DEFB112: variants seen among roughly 807,000 people sequenced by gnomAD.
DEFB112 encodes the protein defensin beta 112.
A neutral mutation model predicts 1.1 loss-of-function variants in DEFB112; 2 were observed. The ratio of observed to expected loss-of-function variants is 1.85; its 90% CI spans 0.76 to 5.83. DEFB112 has a LOEUF of 5.83. Among genes scored for constraint, DEFB112 ranks in the 30% most tolerant of loss-of-function variants. The pLI is 0.05. For synonymous variants in DEFB112, 40 were observed against 31.2 expected, an observed-to-expected ratio of 1.28 and a Z score of -0.93; for missense variants, 120 against 94.4, an observed-to-expected ratio of 1.27 and a Z score of -1.12.
intron 1 of DEFB112, among the ~76,000 whole-genome samples, chr6:50,049,534 G>T (rs1203468725): frequency 6.6e-6 from 1 of 151,990 alleles, no homozygotes; most frequent in East Asian, 1.9e-4. Flanking sequence ...TCATGGATCT[G>T]TGAAATCAAC....
chr6:50,044,955 G>T (rs9296626), intron 1 of DEFB112, among the ~76,000 whole-genome samples: 2,152 of 151,864 alleles, frequency 0.014, 50 homozygotes, highest in African/African-American at 0.049. Flanking sequence ...CACAAATTTT[G>T]CAGCAAGAAT....
rs1351117560 is a variant in DEFB112, at chr6:50,049,805, A to G, written c.58+7T>C. 6.6e-6 allele frequency among the ~76,000 whole-genome samples: 1 copy of G among 152,060 alleles called. No homozygotes were observed. Among genetic ancestry groups the G allele is most frequent in the Non-Finnish European group, 1.5e-5 (1 of 67,970 alleles). On this transcript the variant is annotated splice_region_variant and intron_variant, in intron 1 of 1. Coordinates refer to ENST00000651554, the MANE Select transcript of DEFB112 (RefSeq NM_001369057.2). ...CTTGACCCCTCTAGCAATAATATTC[A>G]TATTACCTGGTGGAATAAGGACTCC...
rs754910502 is a variant in DEFB112, at chr6:50,043,785, G to A, written c.75C>T (p.His25=). The A allele has an allele frequency of 2.4e-5, 38 of 1,613,160 alleles. No homozygotes were observed. The Middle Eastern group carries it at 4.9e-4, about 21-fold the overall frequency. Residue 25 remains histidine (H), a synonymous_variant, in exon 2 of 2, where the codon CAC becomes CAT. Coordinates refer to ENST00000651554, the MANE Select transcript of DEFB112 (RefSeq NM_001369057.2). Reference sequence around the variant, plus strand: ...ACTTCCACCTACTAAAGGTGATATGGTGCCCTTCACTTCTGGCTGAAAGAA... The same window carrying A: ...ACTTCCACCTACTAAAGGTGATATGATGCCCTTCACTTCTGGCTGAAAGAA... The part of the protein sequence containing the change: ...VLIPPARSEG[H]HITFSRWKSC...
chr6:50,047,904 G>A (rs1299086197), intron 1 of DEFB112, among the ~76,000 whole-genome samples: 1 of 152,034 alleles, frequency 6.6e-6, no homozygotes, highest in Non-Finnish European at 1.5e-5. Context: ...CCAGCATTTT[G>A]GGAGGCCGTG....
At position 50,043,648 on chromosome 6, in the gene DEFB112, G is replaced by C. The variant is rs144227676; in HGVS notation, c.212C>G (p.Thr71Arg). ...THCCVTECDP[T>R]DPNNWIPKDS... ...CTTTGGGATCCAATTATTTGGGTCC[G>C]TAGGGTCACATTCTGTCACGCAGCA... Residue 71 changes from threonine (T) to arginine (R), a missense_variant, in exon 2 of 2, where the codon ACG becomes AGG. By Grantham distance (71) the Thr-to-Arg change is moderately conservative. Transcript: ENST00000651554. The C allele has an allele frequency of 6.2e-7, 1 of 1,613,358 alleles. No homozygotes were observed. The highest frequency in any genetic ancestry group is 8.5e-7 in the Non-Finnish European group (1 of 1,179,602).
chr6:50,048,816 T>C (rs914942677), intron 1 of DEFB112, among the ~76,000 whole-genome samples: 1 of 152,162 alleles, frequency 6.6e-6, no homozygotes, highest in African/African-American at 2.4e-5. Flanking sequence ...ATAGTACATA[T>C]GTTTAAAAAT....
rs1774770972 is a variant in DEFB112 at position 50,043,045 on chromosome 6, G to T, written c.*530C>A. On this transcript the variant is annotated 3_prime_UTR_variant, in exon 2 of 2. Transcript: ENST00000651554. Reference sequence around the variant, plus strand: ...AGTCTCCCTCTATTCTACCTTTTGAGATTATTCTTGGAAAAAAAATCAGTT... The same window carrying T: ...AGTCTCCCTCTATTCTACCTTTTGATATTATTCTTGGAAAAAAAATCAGTT... Among the ~76,000 whole-genome samples the T allele has an allele frequency of 6.6e-6, 1 of 151,646 alleles. No individual in the cohort carries two copies. The highest frequency in any genetic ancestry group is 1.5e-5 in the Non-Finnish European group (1 of 67,880).
rs780882666 is a variant in DEFB112 at position 50,043,438 on chromosome 6, G to A, written c.*137C>T. The stretch of plus-strand genomic sequence containing the variant: ...AAGCAAGCACAATGTTTATAAAAAT[G>A]TCCAGCTGAAATATATTTTATTTAA... On this transcript the variant is annotated 3_prime_UTR_variant, in exon 2 of 2. Coordinates refer to ENST00000651554, the MANE Select transcript of DEFB112 (RefSeq NM_001369057.2). 5.6e-5 allele frequency: 34 copies of A among 605,512 alleles called. 1 individual carries two copies. Among genetic ancestry groups the A allele is most frequent in the Non-Finnish European group, 7.9e-5 (28 of 356,280 alleles). The allele number at this position is 605,512 out of a possible 1,614,324, so 37.5% of individuals were successfully genotyped here. A position where few individuals can be genotyped will look rare whatever the true frequency, so the allele number is the denominator to read the frequency against.
intron 1 of DEFB112, among the ~76,000 whole-genome samples, chr6:50,046,432 T>A (rs1006092671): frequency 1.3e-5 from 2 of 152,174 alleles, no homozygotes; most frequent in Non-Finnish European, 2.9e-5. Flanking sequence ...ACAGGGAGAA[T>A]TTGGCTGCTC....
At position 50,043,720 on chromosome 6, in the gene DEFB112, T is replaced by A. The variant is rs763338572; in HGVS notation, c.140A>T (p.Asp47Val). Reference protein sequence around the residue: ...AIGGRCKNQCDDSEFRISYCA... With the variant: ...AIGGRCKNQCVDSEFRISYCA... ...GTATGAAATCCTAAATTCACTATCA[T>A]CACATTGATTTTTACATCGACCTCC... The change falls in exon 2 of 2, where the codon GAT becomes GTT. Residue 47 changes from aspartate (D) to valine (V), a missense_variant. Coordinates refer to ENST00000651554, the MANE Select transcript of DEFB112 (RefSeq NM_001369057.2). The A allele has an allele frequency of 1.2e-6, 2 of 1,613,520 alleles. No individual in the cohort carries two copies. Among genetic ancestry groups the A allele is most frequent in the Non-Finnish European group, 1.7e-6 (2 of 1,179,582 alleles).
intron 1 of DEFB112, among the ~76,000 whole-genome samples, chr6:50,046,120 A>G (rs1265729439): frequency 2.0e-5 from 3 of 151,914 alleles, no homozygotes; most frequent in Non-Finnish European, 4.4e-5. Flanking sequence ...CTAAGCTATG[A>G]TGTTCTGCCA....
chr6:50,042,972 T>C lies in DEFB112; in HGVS notation c.*603A>G, dbSNP rs149958535. Reference sequence around the variant, plus strand: ...AATCATAATTTCACATTATCGTTATTGCCACAAGCTACAGGGATTTACCAT... The same window carrying C: ...AATCATAATTTCACATTATCGTTATCGCCACAAGCTACAGGGATTTACCAT... On this transcript the variant is annotated 3_prime_UTR_variant, in exon 2 of 2. Coordinates refer to ENST00000651554, the MANE Select transcript of DEFB112 (RefSeq NM_001369057.2). Among the ~76,000 whole-genome samples, 1,060 of 152,148 alleles carry C rather than the reference T, an allele frequency of 7.0e-3. 20 individuals are homozygous for C. Among genetic ancestry groups the C allele is most frequent in the African/African-American group, 0.023 (975 of 41,544 alleles).
chr6:50,046,761 C>T (rs1173782592), intron 1 of DEFB112, among the ~76,000 whole-genome samples: 2 of 152,114 alleles, frequency 1.3e-5, no homozygotes, highest in Non-Finnish European at 2.9e-5. Context: ...TATGACTCTA[C>T]TAAGCTGATA....
At chr6:50,049,338 T>C (rs982161846) in intron 1 of DEFB112, among the ~76,000 whole-genome samples, 3 of 152,110 alleles carry the variant, frequency 2.0e-5, no homozygotes, top group Non-Finnish European at 4.4e-5. Flanking sequence ...CAAGTGCAGC[T>C]TGTCTCAATT....
At chr6:50,047,537 G>C (rs10214607) in intron 1 of DEFB112, among the ~76,000 whole-genome samples, 1 of 152,042 alleles carries the variant, frequency 6.6e-6, no homozygotes, top group South Asian at 2.1e-4. Context: ...CTCTCACCTG[G>C]TTTCCTTAGC....
intron 1 of DEFB112, among the ~76,000 whole-genome samples, chr6:50,044,833 G>T (rs572491439): frequency 6.6e-6 from 1 of 152,128 alleles, no homozygotes; most frequent in East Asian, 1.9e-4. Flanking sequence ...ACTGATGTCT[G>T]TAAGTATGCT....
intron 1 of DEFB112, among the ~76,000 whole-genome samples, chr6:50,047,921 A>T (rs967436429): frequency 2.6e-5 from 4 of 152,040 alleles, no homozygotes; most frequent in Non-Finnish European, 4.4e-5. Context: ...CGTGGCAGGT[A>T]GATCACCTCA....
In DEFB112 at chr6:50,042,559, C is replaced by T. The variant is rs1431424227; in HGVS notation, c.*1016G>A. Among the ~76,000 whole-genome samples, 1 of 151,986 alleles carries T rather than the reference C, an allele frequency of 6.6e-6. No homozygotes were observed. The highest frequency in any genetic ancestry group is 2.4e-5 in the African/African-American group (1 of 41,394). On this transcript the variant is annotated 3_prime_UTR_variant, in exon 2 of 2. Transcript: ENST00000651554. ...CAAGGCTGCCAGCCAAGGACAAAGCCTAGAGGACATTCTTTAAGTAATACT... is the reference window on the plus strand; with the variant it reads ...CAAGGCTGCCAGCCAAGGACAAAGCTTAGAGGACATTCTTTAAGTAATACT...
rs1334414250 is a variant in DEFB112, at chr6:50,042,526, A to T, written c.*1049T>A. Among the ~76,000 whole-genome samples, 1 of 152,074 alleles carries T rather than the reference A, an allele frequency of 6.6e-6. No homozygotes were observed. Among genetic ancestry groups the T allele is most frequent in the African/African-American group, 2.4e-5 (1 of 41,442 alleles). On this transcript the variant is annotated 3_prime_UTR_variant, in exon 2 of 2. Transcript: ENST00000651554. ...CCTTAGTCCACAGGTTGTAAGTCACATAATAACCAAGGCTGCCAGCCAAGG... is the reference window on the plus strand; with the variant it reads ...CCTTAGTCCACAGGTTGTAAGTCACTTAATAACCAAGGCTGCCAGCCAAGG...
Sources: gnomAD v4.1 joint callset for allele counts (sites outside exome capture counted in the v4.1 genomes callset) on GRCh38, gnomAD v4.1.1 for gene constraint, MANE v1.5 for transcripts, NCBI Gene and HGNC (gene_info 2026-07-23, HGNC 2026-07-21) for gene names.